The following COPS4 variants were observed in gnomAD, a reference collection of about 807,000 sequenced individuals.
COPS4 encodes the protein COP9 signalosome subunit 4.
A neutral mutation model predicts 55.1 loss-of-function variants in COPS4; 8 were observed. The observed-to-expected ratio is 0.15, with a 90% confidence interval of 0.09 to 0.26. The LOEUF (loss-of-function observed/expected upper bound fraction) is 0.26. Ranked by LOEUF, COPS4 falls within the 10% of genes least tolerant of loss-of-function variation. The probability of loss-of-function intolerance (pLI) is 1.00; values close to 1 mark genes in which losing one functional copy is unlikely to be tolerated. For synonymous variants in COPS4, 185 were observed against 165.7 expected (o/e 1.12, Z -0.90); for missense variants, 248 against 484.0 (o/e 0.51, Z 4.58).
chr4:83,065,664 C>G (rs1047545535), intron 7 of COPS4, among the ~76,000 whole-genome samples: 6 of 152,202 alleles, frequency 3.9e-5, no homozygotes, highest in African/African-American at 1.4e-4. Flanking sequence ...TATGACCTCA[C>G]TTAAAAGAGG....
At chr4:83,053,095 A>G (rs1200635394) in intron 4 of COPS4, among the ~76,000 whole-genome samples, 1 of 152,240 alleles carries the variant, frequency 6.6e-6, no homozygotes, top group Non-Finnish European at 1.5e-5. Context: ...CATACTGGGC[A>G]CAGTGGCTTC....
At chr4:83,065,111 G>T (rs1731263724) in intron 7 of COPS4, 3 of 667,242 alleles carry the variant, frequency 4.5e-6, no homozygotes. Flanking sequence ...CTGGGCTCAA[G>T]CAGTTCCTCC....
intron 7 of COPS4, chr4:83,065,125 C>G: frequency 1.5e-6 from 1 of 656,664 alleles, no homozygotes; most frequent in Non-Finnish European, 2.8e-6. Context: ...TTCCTCCCAT[C>G]TTGGCTTCCC....
At chr4:83,059,058 A>C (rs1447612786) in intron 6 of COPS4, among the ~76,000 whole-genome samples, 1 of 152,156 alleles carries the variant, frequency 6.6e-6, no homozygotes, top group Non-Finnish European at 1.5e-5. Flanking sequence ...TATGTTTAAA[A>C]AAATTGTTGA....
At chr4:83,064,737 T>C (rs1388087757) in intron 7 of COPS4, among the ~76,000 whole-genome samples, 1 of 152,080 alleles carries the variant, frequency 6.6e-6, no homozygotes, top group Admixed American at 6.6e-5. Flanking sequence ...TATTTTAATT[T>C]TTTGTAGAGT....
At chr4:83,057,919 CAAAAAAAA>C (rs960818183) in intron 6 of COPS4, among the ~76,000 whole-genome samples, 1 of 54,272 alleles carries the variant, frequency 1.8e-5, no homozygotes, top group Admixed American at 1.9e-4. Context: ...GACTCTGTCT[CAAAAAAAA>C]AAAAAAAAAA....
chr4:83,045,744 T>C, intron 2 of COPS4, 39 bp downstream of exon 2: 1 of 1,414,082 alleles, frequency 7.1e-7, no homozygotes, highest in Non-Finnish European at 1.0e-6. Flanking sequence ...CTTGTATTAC[T>C]GAGCTAGGAC....
intron 1 of COPS4, among the ~76,000 whole-genome samples, chr4:83,041,790 T>G (rs1730574491): frequency 6.6e-6 from 1 of 151,980 alleles, no homozygotes; most frequent in Non-Finnish European, 1.5e-5. Flanking sequence ...AGTTAATATA[T>G]TACCTCTTCA....
intron 1 of COPS4, among the ~76,000 whole-genome samples, chr4:83,041,338 C>T (rs1035732996): frequency 2.6e-5 from 4 of 152,048 alleles, no homozygotes; most frequent in Admixed American, 1.3e-4. Context: ...GCTGAGATTA[C>T]AGGCGTGAGC....
At position 83,070,265 on chromosome 4, in the gene COPS4, T is replaced by C. The variant is rs141058898; in HGVS notation, c.1087+1743T>C. On this transcript the variant is annotated intron_variant, in intron 9 of 9. Coordinates refer to ENST00000264389, the MANE Select transcript of COPS4 (RefSeq NM_016129.3). Reference sequence around the variant, plus strand: ...CCCCACTTATGCTACTGAGTTTCCATGGGTAATCTCATCTATTTCCTTTGA... The same window carrying C: ...CCCCACTTATGCTACTGAGTTTCCACGGGTAATCTCATCTATTTCCTTTGA... 2.2e-3 allele frequency among the ~76,000 whole-genome samples: 328 copies of C among 152,318 alleles called. 2 individuals are homozygous for C. Among genetic ancestry groups the C allele is most frequent in the African/African-American group, 7.2e-3 (299 of 41,580 alleles).
intron 9 of COPS4, among the ~76,000 whole-genome samples, chr4:83,069,005 T>C (rs1731356253): frequency 6.6e-6 from 1 of 152,070 alleles, no homozygotes; most frequent in African/African-American, 2.4e-5. Context: ...ATGAATCTAC[T>C]TACTGCAGGA....
chr4:83,041,165 C>T (rs974191541), intron 1 of COPS4, among the ~76,000 whole-genome samples: 3 of 150,644 alleles, frequency 2.0e-5, no homozygotes, highest in African/African-American at 4.9e-5. Context: ...CGGGTTCAAG[C>T]GATTCTTCTG....
At chr4:83,047,428 G>A (rs1730747346) in intron 2 of COPS4, among the ~76,000 whole-genome samples, 1 of 53,886 alleles carries the variant, frequency 1.9e-5, no homozygotes, top group African/African-American at 7.7e-5. Context: ...GGTGATGCAT[G>A]CCTGTAGTCC....
At position 83,069,233 on chromosome 4, in the gene COPS4, C is replaced by T. The variant is rs569707927; in HGVS notation, c.1087+711C>T. Among the ~76,000 whole-genome samples the T allele has an allele frequency of 2.0e-5, 3 of 152,288 alleles. No individual in the cohort carries two copies. The South Asian group carries it at 6.2e-4, about 32-fold the overall frequency. Reference sequence around the variant, plus strand: ...CCTTCCCAGCTCCTTATTCCCACCTCATTTACACCCTGGACCTTGCTGTAC... The same window carrying T: ...CCTTCCCAGCTCCTTATTCCCACCTTATTTACACCCTGGACCTTGCTGTAC... On this transcript the variant is annotated intron_variant, in intron 9 of 9. Coordinates refer to ENST00000264389, the MANE Select transcript of COPS4 (RefSeq NM_016129.3).
Position 83,057,028 on chromosome 4 carries a change from A to G in COPS4, c.513A>G (p.Ala171=), listed in dbSNP as rs566726762. ...PVQAEAYINR[A]SLLQNESTNE... is the part of the protein sequence containing the mutation. Reference sequence around the variant, plus strand: ...AGGCAGAGGCTTACATAAATCGAGCATCGTTGCTTCAGAATGAATCAACCA... The same window carrying G: ...AGGCAGAGGCTTACATAAATCGAGCGTCGTTGCTTCAGAATGAATCAACCA... The change falls in exon 5 of 10, where the codon GCA becomes GCG. Residue 171 remains alanine (A), a synonymous_variant. Transcript: ENST00000264389. 6.2e-7 allele frequency: 1 copy of G among 1,614,102 alleles called. No individual in the cohort carries two copies.
chr4:83,068,135 G>A (rs1578721288), intron 8 of COPS4, among the ~76,000 whole-genome samples: 1 of 152,104 alleles, frequency 6.6e-6, no homozygotes, highest in Non-Finnish European at 1.5e-5. Flanking sequence ...GTTTTTTTGA[G>A]GTATGGATCC....
intron 9 of COPS4, among the ~76,000 whole-genome samples, chr4:83,069,646 CAAAGGGG>C (rs1438986306): frequency 6.6e-6 from 1 of 152,074 alleles, no homozygotes; most frequent in East Asian, 1.9e-4. Context: ...TTTCCTATTT[CAAAGGGG>C]AAAAAAGCCA....
intron 2 of COPS4, among the ~76,000 whole-genome samples, chr4:83,048,112 T>G (rs889567811): frequency 6.6e-6 from 1 of 152,234 alleles, no homozygotes; most frequent in Non-Finnish European, 1.5e-5. Flanking sequence ...TGTTGAGTGC[T>G]ATGTACCAGG....
chr4:83,069,024 G>A (rs1401893377), intron 9 of COPS4, among the ~76,000 whole-genome samples: 1 of 151,436 alleles, frequency 6.6e-6, no homozygotes. Context: ...GATTTTCTAT[G>A]TTAAGGAAAA....
Sources: allele counts gnomAD v4.1 joint callset (sites outside exome capture counted in the v4.1 genomes callset), GRCh38; gene constraint gnomAD v4.1.1; transcripts MANE v1.5; gene names NCBI Gene and HGNC (gene_info 2026-07-23, HGNC 2026-07-21).